Variants in TLN2 observed in about 807,000 individuals in gnomAD.
The protein encoded by TLN2 is talin-2.
In TLN2, 118 loss-of-function variants were observed where a neutral mutation model predicts 294.7. The ratio of observed to expected loss-of-function variants is 0.40; its 90% confidence interval spans 0.34 to 0.47. The LOEUF (loss-of-function observed/expected upper bound fraction) is 0.47. TLN2 is among the 20% of genes least tolerant of loss of function. The probability of loss-of-function intolerance (pLI) is 0.84; values close to 1 mark genes in which losing one functional copy is unlikely to be tolerated. For missense variants in TLN2, 3,083 were observed against 3,282.2 expected (o/e 0.94, Z 1.48); for synonymous variants, 1,431 against 1,304.5 (o/e 1.10, Z -2.09).
chr15:62,675,266 A>T lies in TLN2; in HGVS notation c.902A>T (p.Tyr301Phe), dbSNP rs970860171. The T allele has an allele frequency of 1.2e-6, 2 of 1,614,238 alleles. No homozygotes were observed. The highest frequency in any genetic ancestry group is 1.7e-6 in the Non-Finnish European group (2 of 1,180,042). The stretch of plus-strand genomic sequence containing the variant: ...AGTGAGATAGAAGCCAAGGTCAAGT[A>T]CGTCAAACTCGCACGGTCCCTCCGC... ...EMSEIEAKVK[Y>F]VKLARSLRTY... is the part of the protein sequence containing the mutation. Residue 301 changes from tyrosine (Y) to phenylalanine (F), a missense_variant, in exon 11 of 59, where the codon TAC (tyrosine) becomes TTC (phenylalanine). By Grantham distance (22) the Tyr-to-Phe change is conservative (BLOSUM62 3). Transcript: ENST00000636159.
intron 8 of TLN2, among the ~76,000 whole-genome samples, chr15:62,656,358 G>T (rs1251272599): frequency 2.0e-5 from 3 of 152,100 alleles, no homozygotes; most frequent in Non-Finnish European, 4.4e-5. Context: ...GGGCTTTGAG[G>T]GACAGTTGTA....
At chr15:62,508,173 GAGTGACTA>G (rs1156569979) in intron 1 of TLN2, among the ~76,000 whole-genome samples, 1 of 152,048 alleles carries the variant, frequency 6.6e-6, no homozygotes, top group Non-Finnish European at 1.5e-5. Context: ...CCTTCTGGAT[GAGTGACTA>G]TTTAAGCCCT....
chr15:62,738,390 G>T (rs763357345), intron 30 of TLN2, 57 bp downstream of exon 30: 1 of 1,576,126 alleles, frequency 6.3e-7, no homozygotes, highest in Non-Finnish European at 8.6e-7. Flanking sequence ...CGTTAGGTGT[G>T]AGTGAAGTCT....
intron 9 of TLN2, among the ~76,000 whole-genome samples, chr15:62,658,929 C>T (rs143156214): frequency 1.6e-4 from 24 of 152,160 alleles, no homozygotes; most frequent in Middle Eastern, 3.4e-3. Context: ...TTGGAGGAAA[C>T]AACATTTTGT....
intron 1 of TLN2, among the ~76,000 whole-genome samples, chr15:62,393,896 C>G (rs2032309962): frequency 6.6e-6 from 1 of 150,434 alleles, no homozygotes; most frequent in Non-Finnish European, 1.5e-5. Context: ...TCACCTCAGC[C>G]TTCCAAGTAG....
Position 62,550,934 on chromosome 15 carries a change from A to C in TLN2, c.-237-38753A>C, listed in dbSNP as rs554733151. ...TTTATTTCTATTATTATTACATTGC[A>C]ATATATAATGAAATAATTATATAAC... On this transcript the variant is annotated intron_variant, in intron 1 of 58. Transcript: ENST00000636159. Among the ~76,000 whole-genome samples the C allele has an allele frequency of 3.3e-5, 5 of 152,278 alleles. No individual in the cohort carries two copies. In the East Asian group the frequency reaches 9.6e-4, roughly 29 times the overall value.
At chr15:62,473,041 T>A (rs771622648) in intron 1 of TLN2, among the ~76,000 whole-genome samples, 4 of 152,174 alleles carry the variant, frequency 2.6e-5, no homozygotes, top group Non-Finnish European at 5.9e-5. Flanking sequence ...CTGCAGGGTG[T>A]GTAAGAGGAA....
intron 1 of TLN2, among the ~76,000 whole-genome samples, chr15:62,453,053 T>C (rs1415021717): frequency 2.6e-5 from 4 of 152,210 alleles, no homozygotes; most frequent in Non-Finnish European, 5.9e-5. Flanking sequence ...TGGGAAATAC[T>C]TATACTGCAG....
intron 1 of TLN2, among the ~76,000 whole-genome samples, chr15:62,430,934 C>CAAA (rs10649000): frequency 0.46 from 66,636 of 143,468 alleles, 16,005 homozygotes; most frequent in Middle Eastern, 0.63. Flanking sequence ...CAGGAAAAGC[C>CAAA]AAAAAAAAAA....
chr15:62,785,650 C>CA lies in TLN2; in HGVS notation c.5736+1776dup, dbSNP rs10681127. 3.2e-3 allele frequency among the ~76,000 whole-genome samples: 379 copies of CA among 120,190 alleles called. 57 individuals carry two copies. The highest frequency in any genetic ancestry group is 4.3e-3 in the Middle Eastern group (1 of 234). 78.8% of individuals were successfully genotyped at this position (120,190 alleles called of 152,430 possible). A position where few individuals can be genotyped will look rare whatever the true frequency, so the allele number is the denominator to read the frequency against. On this transcript the variant is annotated intron_variant, in intron 45 of 58. Coordinates refer to ENST00000636159, the MANE Select transcript of TLN2 (RefSeq NM_015059.3). ...TAGGCAACAGAATGAGACTCCATCTCAAAAAAAAAAAAAAAAGGGGAAGAA... is the reference window on the plus strand; with the variant it reads ...TAGGCAACAGAATGAGACTCCATCTCAAAAAAAAAAAAAAAAAGGGGAAGAA...
Position 62,697,421 on chromosome 15 carries a change from T to C in TLN2, c.1293-267T>C, listed in dbSNP as rs2058424267. ...ACTGCACCCGGCCTTGTTTTTTAAA[T>C]AACAACTAATTGCATAATACCATAA... is the stretch of plus-strand genomic sequence containing the variant. On this transcript the variant is annotated intron_variant, in intron 14 of 58. Coordinates refer to ENST00000636159, the MANE Select transcript of TLN2 (RefSeq NM_015059.3). Among the ~76,000 whole-genome samples the C allele has an allele frequency of 3.9e-5, 6 of 152,324 alleles. No homozygotes were observed. The South Asian group carries it at 1.2e-3, about 32-fold the overall frequency.
At chr15:62,496,656 G>A (rs997110246) in intron 1 of TLN2, among the ~76,000 whole-genome samples, 3 of 152,168 alleles carry the variant, frequency 2.0e-5, no homozygotes, top group African/African-American at 4.8e-5. Flanking sequence ...GATTGTTCCC[G>A]GAAATGGAAC....
At position 62,584,505 on chromosome 15, in the gene TLN2, A is replaced by C. The variant is rs578236821; in HGVS notation, c.-237-5182A>C. ...GACGCTGTCTACTTGCTCTTCATTG[A>C]GTTTCCTTTGACCCTGGCCCAACCC... is the stretch of plus-strand genomic sequence containing the variant. On this transcript the variant is annotated intron_variant, in intron 1 of 58. Coordinates refer to ENST00000636159, the MANE Select transcript of TLN2 (RefSeq NM_015059.3). 2.1e-3 allele frequency among the ~76,000 whole-genome samples: 318 copies of C among 152,268 alleles called. 2 individuals carry two copies. The highest frequency in any genetic ancestry group is 7.5e-3 in the African/African-American group (310 of 41,546).
chr15:62,795,053 T>C (rs1435614217), intron 46 of TLN2, among the ~76,000 whole-genome samples: 1 of 152,162 alleles, frequency 6.6e-6, no homozygotes, highest in Non-Finnish European at 1.5e-5. Context: ...CGGTGTGCTG[T>C]GGCGTCCCGG....
intron 1 of TLN2, among the ~76,000 whole-genome samples, chr15:62,548,457 G>T (rs760039315): frequency 6.6e-6 from 1 of 152,174 alleles, no homozygotes; most frequent in Non-Finnish European, 1.5e-5. Flanking sequence ...ACTGGAAAAA[G>T]ACCTACTTTT....
intron 1 of TLN2, among the ~76,000 whole-genome samples, chr15:62,487,153 A>G (rs2437132): frequency 0.23 from 35,039 of 152,144 alleles, 4,642 homozygotes; most frequent in East Asian, 0.54. Context: ...GCTGAAGATG[A>G]TGGTCCAGGC....
chr15:62,817,646 G>C (rs913247344), intron 52 of TLN2, among the ~76,000 whole-genome samples: 1 of 151,934 alleles, frequency 6.6e-6, no homozygotes. Context: ...GGTGCAAAGG[G>C]GTTAGTCCTG....
At chr15:62,721,710 T>G (rs2140918153) in intron 25 of TLN2, among the ~76,000 whole-genome samples, 1 of 152,340 alleles carries the variant, frequency 6.6e-6, no homozygotes, top group East Asian at 1.9e-4. Context: ...TAGAGCTGTT[T>G]ATCATAGCAT....
intron 13 of TLN2, among the ~76,000 whole-genome samples, chr15:62,694,008 G>C (rs181565777): frequency 7.8e-6 from 1 of 127,862 alleles, no homozygotes; most frequent in Non-Finnish European, 1.5e-5. Context: ...TCCCTCAGTC[G>C]CCCAGGCTGG....
Sources: allele counts gnomAD v4.1 joint callset (sites outside exome capture counted in the v4.1 genomes callset), GRCh38; gene constraint gnomAD v4.1.1; transcripts MANE v1.5; gene names NCBI Gene and HGNC (gene_info 2026-07-23, HGNC 2026-07-21).